CADM2: variants seen among roughly 807,000 people sequenced by gnomAD.
The protein encoded by CADM2 is cell adhesion molecule 2.
A neutral mutation model predicts 49.8 loss-of-function variants in CADM2; 12 were observed. The observed-to-expected ratio is 0.24, with a 90% CI of 0.15 to 0.39. The LOEUF (loss-of-function observed/expected upper bound fraction) is 0.39. CADM2 is among the 10% of genes least tolerant of loss of function. The pLI, the probability that CADM2 is intolerant of heterozygous loss-of-function variation, is 1.00. For missense variants in CADM2, 378 were observed against 492.3 expected (o/e 0.77, Z 2.20); for synonymous variants, 214 against 175.4 (o/e 1.22, Z -1.74).
intron 1 of CADM2, among the ~76,000 whole-genome samples, chr3:85,092,114 A>C (rs1251959450): frequency 2.0e-5 from 3 of 152,192 alleles, no homozygotes; most frequent in Non-Finnish European, 4.4e-5. Context: ...AGCTTTATAA[A>C]GAAGCCACCA....
At position 86,036,942 on chromosome 3, in the gene CADM2, T is replaced by C. The variant is rs559779428; in HGVS notation, c.971-28663T>C. Among the ~76,000 whole-genome samples the C allele has an allele frequency of 1.6e-4, 25 of 152,290 alleles. No individual in the cohort carries two copies. The South Asian group carries it at 5.2e-3, about 32-fold the overall frequency. On this transcript the variant is annotated intron_variant, in intron 8 of 9. Coordinates refer to ENST00000383699, the MANE Select transcript of CADM2 (RefSeq NM_001167675.2). ...TTTTTCACCTCAGTCTTCTTTATTT[T>C]ATTATCTGCCAAAATCTTAGTTCTG...
chr3:85,954,870 A>T (rs928077289), intron 7 of CADM2, among the ~76,000 whole-genome samples: 4 of 151,368 alleles, frequency 2.6e-5, no homozygotes, highest in South Asian at 2.1e-4. Flanking sequence ...CAGAAAAAGG[A>T]TCAAGATGTT....
chr3:85,938,231 A>G (rs1721419603), intron 7 of CADM2, among the ~76,000 whole-genome samples: 1 of 152,068 alleles, frequency 6.6e-6, no homozygotes, highest in Admixed American at 6.6e-5. Context: ...ACTATTTCCA[A>G]CAGTGCCAGA....
At chr3:85,876,027 A>G (rs1422236563) in intron 3 of CADM2, among the ~76,000 whole-genome samples, 1 of 152,172 alleles carries the variant, frequency 6.6e-6, no homozygotes, top group Admixed American at 6.6e-5. Flanking sequence ...AAGGAAAATG[A>G]AGGCTGACAC....
chr3:85,911,600 A>G (rs1559737263), intron 5 of CADM2, among the ~76,000 whole-genome samples: 1 of 152,152 alleles, frequency 6.6e-6, no homozygotes, highest in Non-Finnish European at 1.5e-5. Flanking sequence ...TCCTTTAGCA[A>G]TTTATGTTCA....
chr3:85,506,395 A>G (rs1203313114), intron 1 of CADM2, among the ~76,000 whole-genome samples: 1 of 152,218 alleles, frequency 6.6e-6, no homozygotes, highest in Admixed American at 6.5e-5. Context: ...TTTAGAATGT[A>G]TGAATTGGAC....
At chr3:86,046,677 G>T (rs1253687106) in intron 8 of CADM2, among the ~76,000 whole-genome samples, 1 of 152,074 alleles carries the variant, frequency 6.6e-6, no homozygotes, top group East Asian at 1.9e-4. Context: ...TATCCCTGGG[G>T]ACATTATCAG....
intron 8 of CADM2, among the ~76,000 whole-genome samples, chr3:86,057,901 C>G (rs1248777745): frequency 2.0e-5 from 3 of 152,148 alleles, no homozygotes; most frequent in Non-Finnish European, 4.4e-5. Flanking sequence ...AGCTCTCGTT[C>G]CCAAAATAGG....
At chr3:85,235,082 C>A (rs1280643940) in intron 1 of CADM2, among the ~76,000 whole-genome samples, 1 of 152,010 alleles carries the variant, frequency 6.6e-6, no homozygotes, top group Admixed American at 6.6e-5. Flanking sequence ...CTGACTCTTC[C>A]TCTGTCATCC....
At chr3:85,575,414 G>A (rs1028476535) in intron 1 of CADM2, among the ~76,000 whole-genome samples, 3 of 152,152 alleles carry the variant, frequency 2.0e-5, no homozygotes, top group Non-Finnish European at 4.4e-5. Flanking sequence ...AGCCTTGCGT[G>A]GTGGCGGGCA....
At chr3:85,169,893 T>A (rs2107682607) in intron 1 of CADM2, among the ~76,000 whole-genome samples, 1 of 152,334 alleles carries the variant, frequency 6.6e-6, no homozygotes, top group South Asian at 2.1e-4. Context: ...CAGACCATGA[T>A]ACCACTATTT....
At chr3:85,288,750 T>C (rs1311878562) in intron 1 of CADM2, among the ~76,000 whole-genome samples, 1 of 151,520 alleles carries the variant, frequency 6.6e-6, no homozygotes, top group Non-Finnish European at 1.5e-5. Flanking sequence ...TTAGAGGCAG[T>C]TTTATTTCCG....
intron 8 of CADM2, among the ~76,000 whole-genome samples, chr3:85,965,693 C>A (rs1725389805): frequency 6.6e-6 from 1 of 151,568 alleles, no homozygotes; most frequent in South Asian, 2.1e-4. Flanking sequence ...TCTAATGCAA[C>A]ATTAAGTTCA....
intron 1 of CADM2, among the ~76,000 whole-genome samples, chr3:85,162,285 A>T (rs1467009226): frequency 6.6e-6 from 1 of 152,188 alleles, no homozygotes; most frequent in African/African-American, 2.4e-5. Context: ...CAGAAAAAAT[A>T]TATATGCCAT....
intron 1 of CADM2, among the ~76,000 whole-genome samples, chr3:85,610,731 T>C (rs1477899154): frequency 6.6e-6 from 1 of 151,960 alleles, no homozygotes; most frequent in African/African-American, 2.4e-5. Context: ...TAAGTACAAC[T>C]TTAAATTCTT....
At chr3:85,092,034 TTTTTG>T (rs1257586186) in intron 1 of CADM2, among the ~76,000 whole-genome samples, 1 of 152,174 alleles carries the variant, frequency 6.6e-6, no homozygotes, top group Non-Finnish European at 1.5e-5. Flanking sequence ...AAGTAAATTG[TTTTTG>T]TTTTAATTTT....
At chr3:85,783,397 T>C (rs986925630) in intron 2 of CADM2, among the ~76,000 whole-genome samples, 9 of 152,212 alleles carry the variant, frequency 5.9e-5, no homozygotes, top group African/African-American at 2.2e-4. Flanking sequence ...ATTTGGCATA[T>C]GTCCAAGTTT....
intron 1 of CADM2, among the ~76,000 whole-genome samples, chr3:85,247,170 G>T (rs1013811470): frequency 6.6e-6 from 1 of 151,836 alleles, no homozygotes; most frequent in Non-Finnish European, 1.5e-5. Flanking sequence ...CTCTGAAAAG[G>T]GCATAGTGTA....
intron 1 of CADM2, among the ~76,000 whole-genome samples, chr3:85,118,614 G>C (rs6775464): frequency 0.61 from 92,149 of 152,074 alleles, 28,858 homozygotes; most frequent in African/African-American, 0.66. Context: ...CCCACTGGGT[G>C]CTTCCCACAA....
Sources: allele counts gnomAD v4.1 joint callset (sites outside exome capture counted in the v4.1 genomes callset), GRCh38; gene constraint gnomAD v4.1.1; transcripts MANE v1.5; gene names NCBI Gene and HGNC (gene_info 2026-07-23, HGNC 2026-07-21).